The following DNAJC12 variants were observed in gnomAD, a reference collection of about 807,000 sequenced individuals.
The protein encoded by DNAJC12 is DnaJ heat shock protein family (Hsp40) member C12.
In DNAJC12, 25 loss-of-function variants were observed where a neutral mutation model predicts 28.5. The ratio of observed to expected loss-of-function variants is 0.88; its 90% CI spans 0.64 to 1.22. The LOEUF (loss-of-function observed/expected upper bound fraction) is 1.22. Ranked by LOEUF, DNAJC12 falls within the 50% of genes most tolerant of loss-of-function variation. The probability of loss-of-function intolerance (pLI) is 0.00; values close to 1 mark genes in which losing one functional copy is unlikely to be tolerated. For missense variants in DNAJC12, 222 were observed against 231.7 expected, an observed-to-expected ratio of 0.96 and a Z score of 0.27; for synonymous variants, 77 against 80.6, an observed-to-expected ratio of 0.95 and a Z score of 0.24.
At chr10:67,797,286 GATA>G (rs1478730332) in intron 4 of DNAJC12, 76 bp from the exon 5 acceptor site, 27 of 1,217,918 alleles carry the variant, frequency 2.2e-5, no homozygotes, top group African/African-American at 3.0e-5. Context: ...ACAGCTTGGG[GATA>G]ATATTTCACT....
At chr10:67,823,474 C>A in intron 1 of DNAJC12, 82 bp from the exon 2 acceptor site, 1 of 1,161,968 alleles carries the variant, frequency 8.6e-7, no homozygotes. Flanking sequence ...CTTTGGGAGG[C>A]TGAGGCAAGC....
intron 1 of DNAJC12, among the ~76,000 whole-genome samples, chr10:67,826,779 A>T (rs59101412): frequency 1.1e-4 from 13 of 118,072 alleles, no homozygotes; most frequent in African/African-American, 4.1e-4. Context: ...ATGATATATA[A>T]TATATATCAT....
chr10:67,823,501 G>T, intron 1 of DNAJC12, 109 bp from the exon 2 acceptor site: 1 of 784,052 alleles, frequency 1.3e-6, no homozygotes, highest in South Asian at 1.6e-5. Context: ...CCAGGAATAA[G>T]ACCAGCCTGG....
At chr10:67,799,689 C>T (rs1374448043) in intron 4 of DNAJC12, among the ~76,000 whole-genome samples, 7 of 151,978 alleles carry the variant, frequency 4.6e-5, no homozygotes, top group African/African-American at 1.7e-4. Context: ...TCGAGACCAG[C>T]CTGACCAACA....
chr10:67,800,171 G>A (rs1218987476), intron 4 of DNAJC12, among the ~76,000 whole-genome samples: 2 of 135,338 alleles, frequency 1.5e-5, no homozygotes, highest in East Asian at 2.4e-4. Flanking sequence ...GCAGTGAGTC[G>A]TGATCACACC....
intron 3 of DNAJC12, among the ~76,000 whole-genome samples, chr10:67,806,196 T>G (rs1841798896): frequency 6.6e-6 from 1 of 152,198 alleles, no homozygotes; most frequent in African/African-American, 2.4e-5. Flanking sequence ...CATAACTATT[T>G]CTTAAAACCT....
intron 3 of DNAJC12, among the ~76,000 whole-genome samples, chr10:67,807,417 AT>A (rs1013247630): frequency 2.0e-5 from 3 of 152,156 alleles, no homozygotes; most frequent in Non-Finnish European, 4.4e-5. Flanking sequence ...AAATGCAAGT[AT>A]TACCCATTTC....
intron 3 of DNAJC12, chr10:67,811,262 A>G: frequency 8.1e-7 from 1 of 1,237,668 alleles, no homozygotes; most frequent in Non-Finnish European, 1.0e-6. Flanking sequence ...AGTAAGCAAT[A>G]ACAGGGAGTG....
rs567303296 is a variant in DNAJC12 at position 67,818,893 on chromosome 10, G to A, written c.157+4421C>T. Among the ~76,000 whole-genome samples the A allele has an allele frequency of 2.5e-4, 38 of 152,190 alleles. 2 individuals are homozygous for A. The South Asian group carries it at 7.9e-3, about 32-fold the overall frequency. ...TGGTCTCAAGTTCCTGACCTCAGGT[G>A]AACCACCCACCTTGGCCTCCCAAAG... On this transcript the variant is annotated intron_variant, in intron 2 of 4. Transcript: ENST00000225171.
intron 1 of DNAJC12, among the ~76,000 whole-genome samples, chr10:67,836,465 T>C (rs1378462003): frequency 6.6e-6 from 1 of 152,162 alleles, no homozygotes; most frequent in Non-Finnish European, 1.5e-5. Flanking sequence ...AAATCCAAAT[T>C]GTCAGCCTTA....
chr10:67,826,465 T>C (rs1564865673), intron 1 of DNAJC12, among the ~76,000 whole-genome samples: 1 of 62,944 alleles, frequency 1.6e-5, no homozygotes, highest in Non-Finnish European at 4.3e-5. Context: ...TATATATATA[T>C]GCATATATAT....
At chr10:67,819,362 G>A (rs547087980) in intron 2 of DNAJC12, among the ~76,000 whole-genome samples, 5 of 151,924 alleles carry the variant, frequency 3.3e-5, no homozygotes, top group East Asian at 3.9e-4. Context: ...GTTCGGGCTA[G>A]GCTCGGTGGC....
chr10:67,832,020 C>G (rs1160969789), intron 1 of DNAJC12, among the ~76,000 whole-genome samples: 1 of 152,202 alleles, frequency 6.6e-6, no homozygotes, highest in Non-Finnish European at 1.5e-5. Flanking sequence ...AATCCCAACA[C>G]TTTGAGAGGC....
At position 67,797,136 on chromosome 10, in the gene DNAJC12, A is replaced by G. The variant is rs1257873499; in HGVS notation, c.577T>C (p.Phe193Leu). 2.5e-6 allele frequency: 4 copies of G among 1,613,402 alleles called. No individual in the cohort carries two copies. Among genetic ancestry groups the G allele is most frequent in the Non-Finnish European group, 3.4e-6 (4 of 1,179,674 alleles). Residue 193 changes from phenylalanine (F) to leucine (L), a missense_variant, in exon 5 of 5, where the codon TTC (phenylalanine) becomes CTC (leucine). Transcript: ENST00000225171. ...KDAPSELLRK[F>L]RNYEI ...ATATTTCATATTTCATAGTTTCTGAACTTCCTCAGGAGTTCTGAGGGAGCA... is the reference window on the plus strand; with the variant it reads ...ATATTTCATATTTCATAGTTTCTGAGCTTCCTCAGGAGTTCTGAGGGAGCA...
In DNAJC12 at chr10:67,823,162, C is replaced by G; in HGVS notation, c.157+152G>C. 5 of 633,990 alleles carry G rather than the reference C, an allele frequency of 7.9e-6. No homozygotes were observed. The South Asian group carries it at 1.0e-4, about 13-fold the overall frequency. 39.3% of individuals were successfully genotyped at this position (633,990 alleles called of 1,614,324 possible). ...ACTATTAGAAAAGATCCTGCACAGC[C>G]CTCTCCCTTTCTATCATCCAATAGT... On this transcript the variant is annotated intron_variant, in intron 2 of 4. Coordinates refer to ENST00000225171, the MANE Select transcript of DNAJC12 (RefSeq NM_021800.3).
intron 4 of DNAJC12, among the ~76,000 whole-genome samples, chr10:67,797,430 G>A (rs563612802): frequency 3.9e-5 from 6 of 152,272 alleles, no homozygotes; most frequent in Admixed American, 2.6e-4. Flanking sequence ...GACCTCACAT[G>A]CTTAAATACT....
intron 4 of DNAJC12, among the ~76,000 whole-genome samples, chr10:67,799,314 A>G (rs988840897): frequency 5.3e-5 from 8 of 152,196 alleles, no homozygotes; most frequent in Admixed American, 5.2e-4. Context: ...TTTTTAAAGA[A>G]TTATTGGAGA....
chr10:67,835,425 C>A (rs1361293275), intron 1 of DNAJC12, among the ~76,000 whole-genome samples: 6 of 152,098 alleles, frequency 3.9e-5, no homozygotes, highest in Non-Finnish European at 8.8e-5. Flanking sequence ...GGTGCGGTGG[C>A]TCACGTCTGT....
At chr10:67,831,793 C>T (rs985230137) in intron 1 of DNAJC12, among the ~76,000 whole-genome samples, 1 of 152,148 alleles carries the variant, frequency 6.6e-6, no homozygotes, top group African/African-American at 2.4e-5. Context: ...CACCCTATGT[C>T]ACTTCTAGTA....
Sources: gnomAD v4.1 joint callset for allele counts (sites outside exome capture counted in the v4.1 genomes callset) on GRCh38, gnomAD v4.1.1 for gene constraint, MANE v1.5 for transcripts, NCBI Gene and HGNC (gene_info 2026-07-23, HGNC 2026-07-21) for gene names.